The following PIP5K1B variants were observed in gnomAD, a reference collection of about 807,000 sequenced individuals.
The protein encoded by PIP5K1B is phosphatidylinositol 4-phosphate 5-kinase type-1 beta.
Under a neutral mutation model 67.0 loss-of-function variants are expected in PIP5K1B, and 42 were observed. The ratio of observed to expected loss-of-function variants is 0.63; its 90% CI spans 0.49 to 0.81. The LOEUF (loss-of-function observed/expected upper bound fraction) is 0.81. PIP5K1B is among the 30% of genes least tolerant of loss of function. The pLI, the probability that PIP5K1B is intolerant of heterozygous loss-of-function variation, is 0.00. For synonymous variants in PIP5K1B, 214 were observed against 231.4 expected, an observed-to-expected ratio of 0.92 and a Z score of 0.68; for missense variants, 459 against 646.3, an observed-to-expected ratio of 0.71 and a Z score of 3.14.
chr9:68,864,067 A>G (rs1037060921), intron 5 of PIP5K1B, 100 bp downstream of exon 5: 10 of 1,124,268 alleles, frequency 8.9e-6, no homozygotes, highest in African/African-American at 6.2e-5. Context: ...GTTTATATGT[A>G]CAGATGTGAA....
At chr9:68,781,015 T>A in intron 2 of PIP5K1B, 1 of 1,613,008 alleles carries the variant, frequency 6.2e-7, no homozygotes, top group Admixed American at 1.7e-5. Flanking sequence ...CTAGATGAAC[T>A]TTCGTCTAAG....
intron 2 of PIP5K1B, among the ~76,000 whole-genome samples, chr9:68,747,475 C>T (rs182752578): frequency 1.6e-4 from 25 of 151,844 alleles, no homozygotes; most frequent in African/African-American, 6.0e-4. Flanking sequence ...ATAATAATGG[C>T]TTGCATTTGA....
chr9:68,917,622 G>T lies in PIP5K1B; in HGVS notation c.846G>T (p.Glu282Asp). Reference sequence around the variant, plus strand: ...ATTTCCTGGACCATTCCCTCAAAGAGAAAGAGGAGGAGACCCCACAAAATG... The same window carrying T: ...ATTTCCTGGACCATTCCCTCAAAGATAAAGAGGAGGAGACCCCACAAAATG... ...GIHFLDHSLK[E>D]KEEETPQNVP... Residue 282 changes from glutamate (E) to aspartate (D), a missense_variant, in exon 9 of 16, where the codon GAG becomes GAT. Physicochemically the swap from Glu to Asp is conservative, Grantham distance 45. Coordinates refer to ENST00000265382, the MANE Select transcript of PIP5K1B (RefSeq NM_003558.4). 1 of 1,614,072 alleles carries T rather than the reference G, an allele frequency of 6.2e-7. No individual in the cohort carries two copies. The highest frequency in any genetic ancestry group is 8.5e-7 in the Non-Finnish European group (1 of 1,179,892).
chr9:68,899,001 A>T (rs1825230287), intron 8 of PIP5K1B, among the ~76,000 whole-genome samples: 1 of 152,178 alleles, frequency 6.6e-6, no homozygotes, highest in Non-Finnish European at 1.5e-5. Flanking sequence ...CCCAGCTTGG[A>T]ACATTAATAT....
At chr9:68,827,048 G>A (rs1053188391) in intron 4 of PIP5K1B, among the ~76,000 whole-genome samples, 5 of 152,140 alleles carry the variant, frequency 3.3e-5, no homozygotes, top group Non-Finnish European at 7.3e-5. Context: ...CACTGGGCCC[G>A]GCCAAAAATT....
chr9:68,730,041 A>G (rs1301635843), intron 1 of PIP5K1B, among the ~76,000 whole-genome samples: 1 of 152,192 alleles, frequency 6.6e-6, no homozygotes, highest in Non-Finnish European at 1.5e-5. Flanking sequence ...ATAATTCATA[A>G]CAATAGAATA....
intron 12 of PIP5K1B, among the ~76,000 whole-genome samples, chr9:68,929,525 G>T (rs1392052720): frequency 3.9e-5 from 6 of 152,084 alleles, no homozygotes; most frequent in African/African-American, 1.2e-4. Flanking sequence ...GGATGTACTT[G>T]CTGTCTCACT....
At chr9:68,947,685 C>G (rs766688656) in intron 14 of PIP5K1B, among the ~76,000 whole-genome samples, 35 of 152,172 alleles carry the variant, frequency 2.3e-4, no homozygotes, top group Non-Finnish European at 2.1e-4. Flanking sequence ...AATCATGGAA[C>G]CAATTTATTC....
chr9:68,916,789 T>C (rs1170931329), intron 8 of PIP5K1B, among the ~76,000 whole-genome samples: 1 of 152,036 alleles, frequency 6.6e-6, no homozygotes, highest in African/African-American at 2.4e-5. Context: ...GTAGAATCGT[T>C]TGAACCCGGG....
intron 2 of PIP5K1B, among the ~76,000 whole-genome samples, chr9:68,792,118 G>T (rs1465744969): frequency 6.6e-6 from 1 of 152,180 alleles, no homozygotes; most frequent in African/African-American, 2.4e-5. Flanking sequence ...TGATCCTGTT[G>T]TTCCCAGGGC....
intron 14 of PIP5K1B, among the ~76,000 whole-genome samples, chr9:68,980,019 G>A (rs760047572): frequency 6.6e-6 from 1 of 152,220 alleles, no homozygotes; most frequent in Non-Finnish European, 1.5e-5. Context: ...CCCTGGGTCC[G>A]TGTTGGGGGG....
At chr9:68,884,698 C>T (rs978620362) in intron 6 of PIP5K1B, among the ~76,000 whole-genome samples, 3 of 149,348 alleles carry the variant, frequency 2.0e-5, no homozygotes, top group Non-Finnish European at 4.4e-5. Flanking sequence ...TACAGATGGC[C>T]AGTAGATACA....
At chr9:68,715,839 A>T (rs1827610263) in intron 1 of PIP5K1B, among the ~76,000 whole-genome samples, 1 of 152,198 alleles carries the variant, frequency 6.6e-6, no homozygotes, top group Non-Finnish European at 1.5e-5. Flanking sequence ...TTTCATTACC[A>T]CTGCCTAATT....
At chr9:68,982,978 T>C (rs1418459239) in intron 14 of PIP5K1B, among the ~76,000 whole-genome samples, 1 of 152,214 alleles carries the variant, frequency 6.6e-6, no homozygotes, top group Non-Finnish European at 1.5e-5. Flanking sequence ...GGTAAGACTT[T>C]ATGTCCTATG....
intron 4 of PIP5K1B, among the ~76,000 whole-genome samples, chr9:68,859,038 C>T (rs994334426): frequency 1.3e-5 from 2 of 152,172 alleles, no homozygotes; most frequent in Non-Finnish European, 2.9e-5. Flanking sequence ...GTAAGTAAAG[C>T]AAAATTGTAG....
rs143509259 is a variant in PIP5K1B, at chr9:68,793,082, TGTGTATGTGTATACACATATA to T, written c.-85-25352_-85-25332del. On this transcript the variant is annotated intron_variant, in intron 2 of 15. Transcript: ENST00000265382. ...AATTTACACATATAAAGTGTGTATG[TGTGTATGTGTATACACATATA>T]GTGTATGTGTATACACATATAGTGT... Among the ~76,000 whole-genome samples the T allele has an allele frequency of 1.4e-3, 206 of 144,156 alleles. 2 individuals are homozygous for T. The highest frequency in any genetic ancestry group is 4.1e-3 in the African/African-American group (162 of 39,596). The allele number at this position is 144,156 out of a possible 152,430, so 94.6% of individuals were successfully genotyped here. A position where few individuals can be genotyped will look rare whatever the true frequency, so the allele number is the denominator to read the frequency against.
chr9:68,938,295 A>C (rs766424389), intron 13 of PIP5K1B, among the ~76,000 whole-genome samples: 5 of 152,290 alleles, frequency 3.3e-5, no homozygotes, highest in Non-Finnish European at 7.4e-5. Context: ...TATTGGGTGC[A>C]TGTATATTTA....
chr9:68,837,398 A>G (rs1012145106), intron 4 of PIP5K1B, among the ~76,000 whole-genome samples: 1 of 152,214 alleles, frequency 6.6e-6, no homozygotes, highest in African/African-American at 2.4e-5. Context: ...TAACAGCTAG[A>G]TAGGTGAAAA....
chr9:68,959,005 G>A (rs1176238253), intron 14 of PIP5K1B, among the ~76,000 whole-genome samples: 1 of 152,108 alleles, frequency 6.6e-6, no homozygotes, highest in Non-Finnish European at 1.5e-5. Flanking sequence ...GTGTAGGAAA[G>A]AAAGAATAAG....
Sources: gnomAD v4.1 joint callset for allele counts (sites outside exome capture counted in the v4.1 genomes callset) on GRCh38, gnomAD v4.1.1 for gene constraint, MANE v1.5 for transcripts, NCBI Gene and HGNC (gene_info 2026-07-23, HGNC 2026-07-21) for gene names.